The following TBL1X variants were observed in gnomAD, a reference collection of about 807,000 sequenced individuals.
TBL1X encodes the protein F-box-like/WD repeat-containing protein TBL1X.
A neutral mutation model predicts 50.7 loss-of-function variants in TBL1X; 10 were observed. That is an observed-to-expected ratio of 0.20 (90% confidence interval 0.12 to 0.33). The LOEUF is 0.33. Ranked by LOEUF, TBL1X falls within the 10% of genes least tolerant of loss-of-function variation. TBL1X has a pLI of 1.00. For synonymous variants in TBL1X, 190 were observed against 214.7 expected (o/e 0.88, Z 1.01); for missense variants, 340 against 504.4 (o/e 0.67, Z 3.12).
At chrX:9,631,675 T>C (rs763185223) in intron 2 of TBL1X, among the ~76,000 whole-genome samples, 1 of 113,121 alleles carries the variant, frequency 8.8e-6, no homozygotes, top group African/African-American at 3.2e-5. Flanking sequence ...TGTTTTACTT[T>C]TATACATGTT....
chrX:9,619,801 C>T (rs901842320), intron 2 of TBL1X, among the ~76,000 whole-genome samples: 2 of 111,658 alleles, frequency 1.8e-5, no homozygotes, highest in Non-Finnish European at 3.8e-5. Context: ...AGCTTACATC[C>T]TCATGCTTGG....
At chrX:9,502,987 C>T (rs1407998708) in intron 2 of TBL1X, among the ~76,000 whole-genome samples, 3 of 112,887 alleles carry the variant, frequency 2.7e-5, no homozygotes, top group Admixed American at 9.3e-5. Context: ...GAACTCAAAT[C>T]AGTGAATTTA....
At chrX:9,493,567 G>C (rs749451968) in intron 1 of TBL1X, among the ~76,000 whole-genome samples, 1 of 111,033 alleles carries the variant, frequency 9.0e-6, no homozygotes, top group Non-Finnish European at 1.9e-5. Flanking sequence ...TTGGAGACCA[G>C]CCTGGGCAAG....
intron 6 of TBL1X, among the ~76,000 whole-genome samples, chrX:9,686,591 C>T (rs1245891070): frequency 8.9e-6 from 1 of 112,228 alleles, no homozygotes; most frequent in East Asian, 2.8e-4. Context: ...CCCAGCTACT[C>T]GGAGGCTAAG....
chrX:9,606,472 A>C (rs1464999700), intron 2 of TBL1X, among the ~76,000 whole-genome samples: 1 of 111,571 alleles, frequency 9.0e-6, no homozygotes, highest in African/African-American at 3.3e-5. Flanking sequence ...ATTAGAAAGT[A>C]GTGTTACTGC....
intron 1 of TBL1X, among the ~76,000 whole-genome samples, chrX:9,491,588 T>C (rs1236800530): frequency 2.7e-5 from 3 of 109,417 alleles, no homozygotes; most frequent in Non-Finnish European, 5.7e-5. Context: ...ACGATAATGA[T>C]CAGTCAGTTG....
rs536883582 is a variant in TBL1X, at chrX:9,551,875, G to C, written c.-131+50026G>C. Reference sequence around the variant, plus strand: ...TTCTCCCCCGGAGACCCTCCAATCTGATCAGATAGGGAGGCTGTGAGTCTG... The same window carrying C: ...TTCTCCCCCGGAGACCCTCCAATCTCATCAGATAGGGAGGCTGTGAGTCTG... On this transcript the variant is annotated intron_variant, in intron 2 of 17. Transcript: ENST00000645353. Among the ~76,000 whole-genome samples the C allele has an allele frequency of 9.8e-5, 11 of 111,941 alleles. No individual in the cohort carries two copies. The South Asian group carries it at 3.4e-3, about 35-fold the overall frequency.
chrX:9,510,178 C>T (rs1228554473), intron 2 of TBL1X, among the ~76,000 whole-genome samples: 1 of 111,627 alleles, frequency 9.0e-6, no homozygotes, highest in Non-Finnish European at 1.9e-5. Flanking sequence ...TGCTGCTGGG[C>T]ATCCTACACT....
At chrX:9,541,649 G>T (rs1458196980) in intron 2 of TBL1X, among the ~76,000 whole-genome samples, 1 of 112,701 alleles carries the variant, frequency 8.9e-6, no homozygotes, top group Non-Finnish European at 1.9e-5. Context: ...GGTAGTTCAA[G>T]ATTCAAAGTA....
At chrX:9,537,901 C>T (rs889961680) in intron 2 of TBL1X, among the ~76,000 whole-genome samples, 1 of 112,260 alleles carries the variant, frequency 8.9e-6, no homozygotes, top group Non-Finnish European at 1.9e-5. Flanking sequence ...ACAGGGGTGA[C>T]CTGCAGCGAG....
At chrX:9,585,540 C>T (rs1187673353) in intron 2 of TBL1X, among the ~76,000 whole-genome samples, 2 of 110,800 alleles carry the variant, frequency 1.8e-5, no homozygotes, top group Non-Finnish European at 3.8e-5. Context: ...TGACTGTGAC[C>T]CTGGGCAAGG....
chrX:9,532,744 C>G (rs759015960), intron 2 of TBL1X, among the ~76,000 whole-genome samples: 2 of 111,361 alleles, frequency 1.8e-5, no homozygotes, highest in African/African-American at 3.3e-5. Context: ...GGTCATCCCT[C>G]TGTGTGTGTC....
At position 9,605,797 on chromosome X, in the gene TBL1X, G is replaced by A. The variant is rs766645830; in HGVS notation, c.-130-34476G>A. 3.6e-5 allele frequency among the ~76,000 whole-genome samples: 4 copies of A among 112,451 alleles called. No homozygotes were observed. The East Asian group carries it at 8.3e-4, about 23-fold the overall frequency. On this transcript the variant is annotated intron_variant, in intron 2 of 17. Coordinates refer to ENST00000645353, the MANE Select transcript of TBL1X (RefSeq NM_005647.4). The stretch of plus-strand genomic sequence containing the variant: ...AGGGCTTTTGTTTGCATGCTTGCTT[G>A]AAGGCAGACAAGTCAAATTAAACAA...
At chrX:9,507,800 C>T (rs1017011599) in intron 2 of TBL1X, among the ~76,000 whole-genome samples, 2 of 111,811 alleles carry the variant, frequency 1.8e-5, no homozygotes, top group Non-Finnish European at 3.8e-5. Flanking sequence ...CATCTGTAAC[C>T]ATCTGATCTT....
At chrX:9,642,188 A>G (rs1008761778) in intron 3 of TBL1X, among the ~76,000 whole-genome samples, 1 of 111,707 alleles carries the variant, frequency 9.0e-6, no homozygotes, top group East Asian at 2.8e-4. Context: ...AATCCAGCAC[A>G]CATTGGATTT....
intron 1 of TBL1X, among the ~76,000 whole-genome samples, chrX:9,468,502 G>C (rs957950702): frequency 3.6e-5 from 4 of 111,548 alleles, no homozygotes; most frequent in African/African-American, 1.3e-4. Context: ...AGGGCTCCCA[G>C]AGTGTGGTCC....
At chrX:9,599,661 T>C (rs1569070831) in intron 2 of TBL1X, among the ~76,000 whole-genome samples, 2 of 112,610 alleles carry the variant, frequency 1.8e-5, no homozygotes, top group Non-Finnish European at 3.7e-5. Context: ...CCCATTTCCT[T>C]ATACAAGGCT....
intron 2 of TBL1X, among the ~76,000 whole-genome samples, chrX:9,545,979 C>T (rs751836285): frequency 3.6e-5 from 4 of 111,657 alleles, no homozygotes; most frequent in South Asian, 7.6e-4. Context: ...TTGGCAGGAA[C>T]GCTGCACAGC....
intron 2 of TBL1X, among the ~76,000 whole-genome samples, chrX:9,612,412 A>G (rs1352105308): frequency 9.0e-6 from 1 of 111,731 alleles, no homozygotes; most frequent in South Asian, 3.7e-4. Flanking sequence ...CATGGAATTT[A>G]TACTTTTCTA....
Sources: allele counts gnomAD v4.1 joint callset (sites outside exome capture counted in the v4.1 genomes callset), GRCh38; gene constraint gnomAD v4.1.1; transcripts MANE v1.5; gene names NCBI Gene and HGNC (gene_info 2026-07-23, HGNC 2026-07-21).